DACH2: variants seen among roughly 807,000 people sequenced by gnomAD.
DACH2 encodes dachshund family transcription factor 2.
In DACH2, 17 loss-of-function variants were observed where a neutral mutation model predicts 35.8. The ratio of observed to expected loss-of-function variants is 0.48; its 90% CI spans 0.33 to 0.71. The LOEUF is 0.71. Ranked by LOEUF, DACH2 falls within the 30% of genes least tolerant of loss-of-function variation. The pLI is 0.02. For missense variants in DACH2, 469 were observed against 472.7 expected (o/e 0.99, Z 0.07); for synonymous variants, 195 against 177.3 (o/e 1.10, Z -0.79).
At chrX:86,296,915 G>A (rs1392187945) in intron 1 of DACH2, among the ~76,000 whole-genome samples, 1 of 109,047 alleles carries the variant, frequency 9.2e-6, no homozygotes, top group African/African-American at 3.3e-5. Flanking sequence ...TAAGAAACAG[G>A]GATGTAGCAC....
At chrX:86,173,960 T>C (rs2031216700) in intron 1 of DACH2, among the ~76,000 whole-genome samples, 2 of 110,561 alleles carry the variant, frequency 1.8e-5, no homozygotes, top group South Asian at 7.8e-4. Context: ...CCAACAGCAC[T>C]TCATGATGAA....
chrX:86,339,333 T>C (rs1311209376), intron 1 of DACH2, among the ~76,000 whole-genome samples: 1 of 112,044 alleles, frequency 8.9e-6, no homozygotes, highest in Non-Finnish European at 1.9e-5. Context: ...TACCATTCTA[T>C]AGTTTTAAAT....
At chrX:86,796,190 T>A (rs1429431756) in intron 7 of DACH2, among the ~76,000 whole-genome samples, 2 of 111,720 alleles carry the variant, frequency 1.8e-5, no homozygotes, top group Non-Finnish European at 3.8e-5. Flanking sequence ...TTTACAAACC[T>A]TTAGCTAGAC....
At chrX:86,431,258 T>G (rs999686035) in intron 2 of DACH2, among the ~76,000 whole-genome samples, 5 of 111,469 alleles carry the variant, frequency 4.5e-5, no homozygotes, top group Non-Finnish European at 9.4e-5. Flanking sequence ...CCTGGGAAAA[T>G]TGGGATTATT....
intron 1 of DACH2, among the ~76,000 whole-genome samples, chrX:86,215,179 T>C (rs1332628836): frequency 9.0e-6 from 1 of 111,417 alleles, no homozygotes; most frequent in African/African-American, 3.3e-5. Flanking sequence ...GGAAGGCATG[T>C]AGTTGGCAAA....
chrX:86,790,989 GA>G lies in DACH2; in HGVS notation c.1241-21861del, dbSNP rs756036040. 6.3e-5 allele frequency among the ~76,000 whole-genome samples: 7 copies of G among 111,496 alleles called. No homozygotes were observed. The South Asian group carries it at 2.6e-3, about 42-fold the overall frequency. ...TGCATTCTTACAATACAGTAAGCTA[GA>G]AAAAAGAAAATGTTATTAAGCAAAT... On this transcript the variant is annotated intron_variant, in intron 7 of 11. Transcript: ENST00000373125.
chrX:86,255,374 G>A (rs1481903149), intron 1 of DACH2, among the ~76,000 whole-genome samples: 2 of 111,015 alleles, frequency 1.8e-5, no homozygotes. Context: ...GGTTCTTATT[G>A]TTTTTTAAAT....
At chrX:86,600,813 G>A (rs1170935592) in intron 3 of DACH2, among the ~76,000 whole-genome samples, 1 of 111,255 alleles carries the variant, frequency 9.0e-6, no homozygotes, top group Non-Finnish European at 1.9e-5. Flanking sequence ...CCGGATGCTT[G>A]AGACTTAGTT....
intron 1 of DACH2, among the ~76,000 whole-genome samples, chrX:86,214,130 G>A (rs918230200): frequency 9.1e-6 from 1 of 110,232 alleles, no homozygotes; most frequent in Admixed American, 9.7e-5. Context: ...CAACTATAAT[G>A]CTTTGATAGC....
intron 1 of DACH2, among the ~76,000 whole-genome samples, chrX:86,210,627 A>G (rs2032423570): frequency 8.9e-6 from 1 of 111,838 alleles, no homozygotes; most frequent in Non-Finnish European, 1.9e-5. Flanking sequence ...GCTGATTTTT[A>G]GTTAAGAAAG....
chrX:86,557,346 T>A (rs1420144554), intron 3 of DACH2, among the ~76,000 whole-genome samples: 1 of 111,237 alleles, frequency 9.0e-6, no homozygotes, highest in African/African-American at 3.3e-5. Flanking sequence ...TGGGTGGGCT[T>A]TTAAAAAATC....
At chrX:86,415,787 G>A (rs1241135201) in intron 2 of DACH2, among the ~76,000 whole-genome samples, 1 of 111,908 alleles carries the variant, frequency 8.9e-6, no homozygotes, top group South Asian at 3.7e-4. Flanking sequence ...CCAGTAAGAG[G>A]GAAATTACAA....
chrX:86,512,354 C>A (rs1400069209), intron 2 of DACH2, among the ~76,000 whole-genome samples: 2 of 110,003 alleles, frequency 1.8e-5, no homozygotes, highest in Non-Finnish European at 3.8e-5. Flanking sequence ...GACTAAGAGG[C>A]CTCTAATGCT....
At chrX:86,451,183 G>A (rs759550256) in intron 2 of DACH2, among the ~76,000 whole-genome samples, 5 of 111,090 alleles carry the variant, frequency 4.5e-5, no homozygotes, top group African/African-American at 1.6e-4. Flanking sequence ...TTTCTTCTAG[G>A]GTTTTAGGTT....
chrX:86,259,673 T>A (rs1406103736), intron 1 of DACH2, among the ~76,000 whole-genome samples: 1 of 112,052 alleles, frequency 8.9e-6, no homozygotes, highest in Non-Finnish European at 1.9e-5. Flanking sequence ...CATAGTGTCT[T>A]GCACATAGTA....
intron 3 of DACH2, among the ~76,000 whole-genome samples, chrX:86,553,668 G>A (rs1035401972): frequency 5.4e-5 from 6 of 111,769 alleles, no homozygotes; most frequent in Middle Eastern, 4.6e-3. Context: ...TTGTAGGTAG[G>A]TAGGAAAGTT....
intron 1 of DACH2, among the ~76,000 whole-genome samples, chrX:86,174,983 G>T: frequency 8.9e-6 from 1 of 112,405 alleles, no homozygotes. Context: ...CATGCCCAGT[G>T]TCTTTTACCT....
intron 1 of DACH2, among the ~76,000 whole-genome samples, chrX:86,174,193 G>A (rs760812021): frequency 7.1e-5 from 7 of 98,343 alleles, no homozygotes; most frequent in Non-Finnish European, 1.2e-4. Flanking sequence ...CATGATCATC[G>A]CTAACTGTAG....
intron 2 of DACH2, among the ~76,000 whole-genome samples, chrX:86,470,789 A>G (rs1258333772): frequency 9.0e-6 from 1 of 111,572 alleles, no homozygotes; most frequent in Non-Finnish European, 1.9e-5. Flanking sequence ...ATCTGTAAAA[A>G]TAAAAGATAC....
Sources: allele counts gnomAD v4.1 joint callset (sites outside exome capture counted in the v4.1 genomes callset), GRCh38; gene constraint gnomAD v4.1.1; transcripts MANE v1.5; gene names NCBI Gene and HGNC (gene_info 2026-07-23, HGNC 2026-07-21).